The following PPP1R16B variants were observed in gnomAD, a reference collection of about 807,000 sequenced individuals.
PPP1R16B encodes protein phosphatase 1 regulatory subunit 16B.
A neutral mutation model predicts 61.7 loss-of-function variants in PPP1R16B; 14 were observed. The ratio of observed to expected loss-of-function variants is 0.23; its 90% CI spans 0.15 to 0.35. PPP1R16B has a LOEUF of 0.35. PPP1R16B is among the 10% of genes least tolerant of loss of function. The pLI is 1.00. For missense variants in PPP1R16B, 547 were observed against 752.5 expected (o/e 0.73, Z 3.19); for synonymous variants, 266 against 305.3 (o/e 0.87, Z 1.34).
In PPP1R16B at chr20:38,907,621, T is replaced by C. The variant is rs2085454947; in HGVS notation, c.899-185T>C. Among the ~76,000 whole-genome samples, 1 of 152,206 alleles carries C rather than the reference T, an allele frequency of 6.6e-6. No homozygotes were observed. The highest frequency in any genetic ancestry group is 2.1e-4 in the South Asian group (1 of 4,832). ...TGCCCAGAACCTGGGTTTCCCATTCTTATAATCCTCTTATAAACACACTCA... is the reference window on the plus strand; with the variant it reads ...TGCCCAGAACCTGGGTTTCCCATTCCTATAATCCTCTTATAAACACACTCA... On this transcript the variant is annotated intron_variant, in intron 8 of 10. Transcript: ENST00000299824. This position sits in a 1 kb window ranked among gnomAD's most constrained non-coding sequence, Gnocchi z 4.5.
At chr20:38,857,950 A>G (rs1419417500) in intron 2 of PPP1R16B, among the ~76,000 whole-genome samples, 1 of 152,024 alleles carries the variant, frequency 6.6e-6, no homozygotes, top group Non-Finnish European at 1.5e-5. Context: ...TAAACGATAG[A>G]AACGTATTTC....
chr20:38,920,078 G>C lies in PPP1R16B; in HGVS notation c.*1412G>C, dbSNP rs959861385. The C allele has an allele frequency of 1.3e-5, 2 of 152,398 alleles. No individual in the cohort carries two copies. Among genetic ancestry groups the C allele is most frequent in the African/African-American group, 4.8e-5 (2 of 41,458 alleles). 9.4% of individuals were successfully genotyped at this position (152,398 alleles called of 1,614,324 possible). ...CCCCTCCTGCATTCAGGAGAGCCAT[G>C]GTAGGGCTAGAGTTGGGTCTTGCCC... On this transcript the variant is annotated 3_prime_UTR_variant, in exon 11 of 11. Transcript: ENST00000299824.
intron 7 of PPP1R16B, among the ~76,000 whole-genome samples, chr20:38,906,301 T>G (rs945729433): frequency 1.6e-4 from 23 of 144,348 alleles, no homozygotes; most frequent in South Asian, 4.8e-4. Flanking sequence ...TTTTTTTTTT[T>G]TTTTTTTTTT....
At position 38,920,712 on chromosome 20, in the gene PPP1R16B, T is replaced by C. The variant is rs186704427; in HGVS notation, c.*2046T>C. 6.6e-6 allele frequency: 1 copy of C among 152,504 alleles called. No homozygotes were observed. Among genetic ancestry groups the C allele is most frequent in the East Asian group, 1.9e-4 (1 of 5,176 alleles). The allele number at this position is 152,504 out of a possible 1,614,324, so 9.4% of individuals were successfully genotyped here. On this transcript the variant is annotated 3_prime_UTR_variant, in exon 11 of 11. Coordinates refer to ENST00000299824, the MANE Select transcript of PPP1R16B (RefSeq NM_015568.4). ...GGCCACCTCCACCCCAATGCCAGGATAGATGTATTCTAGAGTAGGGGTGGA... is the reference window on the plus strand; with the variant it reads ...GGCCACCTCCACCCCAATGCCAGGACAGATGTATTCTAGAGTAGGGGTGGA...
intron 4 of PPP1R16B, among the ~76,000 whole-genome samples, chr20:38,898,770 A>G (rs1025984582): frequency 1.3e-5 from 2 of 152,142 alleles, no homozygotes; most frequent in African/African-American, 2.4e-5. Context: ...AGTTTGAGCC[A>G]CTGCACACCA....
At position 38,918,306 on chromosome 20, in the gene PPP1R16B, T is replaced by C. The variant is rs201078949; in HGVS notation, c.1344T>C (p.His448=). 8.1e-6 allele frequency: 13 copies of C among 1,614,194 alleles called. No individual in the cohort carries two copies. The highest frequency in any genetic ancestry group is 1.0e-5 in the Non-Finnish European group (12 of 1,180,042). Residue 448 remains histidine, a synonymous_variant, in exon 11 of 11, where the codon CAT becomes CAC. Coordinates refer to ENST00000299824, the MANE Select transcript of PPP1R16B (RefSeq NM_015568.4). The surrounding 1 kb of genome is among the most constrained non-coding windows in gnomAD (Gnocchi z 5.3). ...CCAACGGGGATGTCTGGAAGGTGCATGAGGTGCCTGACTACAGCATGGCCT... is the reference window on the plus strand; with the variant it reads ...CCAACGGGGATGTCTGGAAGGTGCACGAGGTGCCTGACTACAGCATGGCCT... ...ALANGDVWKV[H]EVPDYSMAYG...
intron 10 of PPP1R16B, among the ~76,000 whole-genome samples, chr20:38,908,593 A>G (rs2085465365): frequency 1.3e-5 from 2 of 152,366 alleles, no homozygotes; most frequent in Admixed American, 1.3e-4. Context: ...TTTTCAGGAA[A>G]TATAACAAGA....
intron 1 of PPP1R16B, among the ~76,000 whole-genome samples, chr20:38,832,078 C>A (rs369563545): frequency 2.0e-5 from 3 of 152,338 alleles, no homozygotes; most frequent in African/African-American, 7.2e-5. Context: ...AGATTCAAAT[C>A]TGTTGTCCTG....
intron 2 of PPP1R16B, among the ~76,000 whole-genome samples, chr20:38,868,229 G>A (rs1053646054): frequency 6.6e-6 from 1 of 152,136 alleles, no homozygotes; most frequent in East Asian, 1.9e-4. Flanking sequence ...ACAACTGCAT[G>A]CCCACACCAC....
intron 2 of PPP1R16B, among the ~76,000 whole-genome samples, chr20:38,842,167 C>T (rs2084912590): frequency 2.0e-5 from 3 of 152,134 alleles, no homozygotes; most frequent in African/African-American, 7.2e-5. Context: ...TCTCCGAAGC[C>T]CATGTATTTA....
At chr20:38,917,969 AG>A (rs1323937099) in intron 10 of PPP1R16B, among the ~76,000 whole-genome samples, 187 bp from the exon 11 acceptor site, 1 of 152,232 alleles carries the variant, frequency 6.6e-6, no homozygotes, top group Non-Finnish European at 1.5e-5. Flanking sequence ...GAGCAAGGCC[AG>A]GGGTCGGTCA....
chr20:38,896,783 C>T (rs2085352834), intron 4 of PPP1R16B, among the ~76,000 whole-genome samples: 1 of 152,132 alleles, frequency 6.6e-6, no homozygotes, highest in African/African-American at 2.4e-5. Flanking sequence ...CTGCCTACCC[C>T]TGGCTCCTGG....
chr20:38,867,256 A>G (rs775205727), intron 2 of PPP1R16B, among the ~76,000 whole-genome samples: 11 of 152,194 alleles, frequency 7.2e-5, no homozygotes, highest in Non-Finnish European at 1.3e-4. Flanking sequence ...CCAGCCATTC[A>G]TGTCCAAACA....
intron 2 of PPP1R16B, among the ~76,000 whole-genome samples, chr20:38,862,144 C>A (rs1260362653): frequency 6.6e-6 from 1 of 152,148 alleles, no homozygotes; most frequent in Non-Finnish European, 1.5e-5. Context: ...TCTCTAGGGG[C>A]AGGGCATGCT....
At chr20:38,855,114 T>C (rs535743455) in intron 2 of PPP1R16B, among the ~76,000 whole-genome samples, 91 of 152,228 alleles carry the variant, frequency 6.0e-4, no homozygotes, top group Middle Eastern at 6.8e-3. Context: ...GCAGAGTCTC[T>C]AAAAGAAAAG....
chr20:38,844,051 A>T (rs2084923552), intron 2 of PPP1R16B, among the ~76,000 whole-genome samples: 2 of 152,344 alleles, frequency 1.3e-5, no homozygotes, highest in South Asian at 4.1e-4. Flanking sequence ...ATCTGAAGCC[A>T]TATCAATTTA....
intron 5 of PPP1R16B, among the ~76,000 whole-genome samples, chr20:38,901,373 G>A (rs1435261385): frequency 6.6e-6 from 1 of 152,146 alleles, no homozygotes; most frequent in South Asian, 2.1e-4. Flanking sequence ...AACCATTTTT[G>A]TGCCAATCTG....
intron 2 of PPP1R16B, among the ~76,000 whole-genome samples, chr20:38,860,904 C>A (rs1455541301): frequency 6.6e-6 from 1 of 152,140 alleles, no homozygotes; most frequent in African/African-American, 2.4e-5. Context: ...AACTTGCTTC[C>A]CAGTGCTCCC....
At chr20:38,911,401 C>A (rs573792889) in intron 10 of PPP1R16B, among the ~76,000 whole-genome samples, 2 of 144,458 alleles carry the variant, frequency 1.4e-5, no homozygotes. Flanking sequence ...CTCCTGACCT[C>A]GTGATCCACC....
Sources: allele counts gnomAD v4.1 joint callset (sites outside exome capture counted in the v4.1 genomes callset), GRCh38; gene constraint gnomAD v4.1.1; non-coding constraint Gnocchi (gnomAD v3.1); transcripts MANE v1.5; gene names NCBI Gene and HGNC (gene_info 2026-07-23, HGNC 2026-07-21).